Variants in MYO16 observed in about 807,000 individuals in gnomAD.
MYO16 encodes the protein unconventional myosin-XVI.
MYO16 carries 94 observed loss-of-function variants against 205.3 expected under a neutral mutation model. The observed-to-expected ratio is 0.46, with a 90% CI of 0.39 to 0.54. MYO16 has a LOEUF of 0.54. Among genes scored for constraint, MYO16 ranks in the 20% least tolerant of loss-of-function variants. MYO16 has a pLI of 0.00. For synonymous variants in MYO16, 988 were observed against 954.0 expected (o/e 1.04, Z -0.66); for missense variants, 2,315 against 2,387.5 (o/e 0.97, Z 0.63).
At position 109,052,317 on chromosome 13, in the gene MYO16, A is replaced by G. The variant is rs1483442845; in HGVS notation, c.2890A>G (p.Ile964Val). The G allele has an allele frequency of 6.2e-7, 1 of 1,612,702 alleles. No homozygotes were observed. Among genetic ancestry groups the G allele is most frequent in the African/African-American group, 1.3e-5 (1 of 74,878 alleles). Reference sequence around the variant, plus strand: ...TTTCCTAGCTAGTGAAAATGTCGTGATCAATCATTTGTTCCAGTCGAAATT... The same window carrying G: ...TTTCCTAGCTAGTGAAAATGTCGTGGTCAATCATTTGTTCCAGTCGAAATT... ...FVMKTSENVV[I>V]NHLFQSKLSQ... Residue 964 changes from isoleucine (I) to valine (V), a missense_variant, in exon 25 of 35, where the codon ATC (isoleucine) becomes GTC (valine). Ile to Val is a conservative substitution (Grantham distance 29). Around this residue, in one of 3 missense-constraint regions of MYO16, gnomAD observed 1,213 missense variants for 1,274.4 expected, o/e 0.95. Transcript: ENST00000457511.
intron 11 of MYO16, among the ~76,000 whole-genome samples, chr13:108,865,031 T>C (rs1878636934): frequency 6.6e-6 from 1 of 152,170 alleles, no homozygotes; most frequent in South Asian, 2.1e-4. Context: ...GGATTTAGTT[T>C]TCTGGTGGGT....
At chr13:108,940,158 C>A (rs1474155831) in intron 16 of MYO16, among the ~76,000 whole-genome samples, 1 of 152,040 alleles carries the variant, frequency 6.6e-6, no homozygotes, top group Admixed American at 6.6e-5. Context: ...ACCCTAAACA[C>A]AAAGAACAGC....
At chr13:108,773,485 C>T (rs147752009) in intron 4 of MYO16, among the ~76,000 whole-genome samples, 109 of 152,282 alleles carry the variant, frequency 7.2e-4, no homozygotes, top group African/African-American at 2.5e-3. Context: ...AGGTCTTCCT[C>T]AGCTTGTGAC....
chr13:108,886,710 C>T lies in MYO16; in HGVS notation c.1554-1662C>T, dbSNP rs895479600. Among the ~76,000 whole-genome samples, 5 of 151,964 alleles carry T rather than the reference C, an allele frequency of 3.3e-5. No homozygotes were observed. In the South Asian group the frequency reaches 1.0e-3, roughly 32 times the overall value. On this transcript the variant is annotated intron_variant, in intron 13 of 34. Coordinates refer to ENST00000457511, the MANE Select transcript of MYO16 (RefSeq NM_001198950.3). ...ACCGCAGGCTTGTTTAGGCAAAGCC[C>T]CCTGTGCAAGTTCCCTTATCGGCAC...
chr13:108,628,587 T>A (rs9587632), upstream of MYO16, among the ~76,000 whole-genome samples: 23,698 of 152,144 alleles, frequency 0.16, 2,641 homozygotes, highest in African/African-American at 0.3. Flanking sequence ...CTGTGCGAAA[T>A]CTTCAACTTA....
intron 32 of MYO16, among the ~76,000 whole-genome samples, chr13:109,157,173 CTCTT>C (rs895813542): frequency 6.8e-6 from 1 of 146,984 alleles, no homozygotes; most frequent in Non-Finnish European, 1.5e-5. Context: ...TCCCCTGACT[CTCTT>C]TCTACTTCTA....
At chr13:109,040,439 C>T (rs1217460281) in intron 23 of MYO16, among the ~76,000 whole-genome samples, 4 of 114,942 alleles carry the variant, frequency 3.5e-5, no homozygotes, top group African/African-American at 1.2e-4. Context: ...AAAAACATCC[C>T]TCATGAATAT....
intron 1 of MYO16, among the ~76,000 whole-genome samples, chr13:108,637,761 G>C (rs866512459): frequency 1.3e-4 from 20 of 152,230 alleles, no homozygotes; most frequent in South Asian, 8.3e-4. Flanking sequence ...TGTAATCCCA[G>C]CCACTTGGGA....
chr13:109,045,521 A>T (rs1887012477), intron 23 of MYO16, among the ~76,000 whole-genome samples: 1 of 152,226 alleles, frequency 6.6e-6, no homozygotes, highest in African/African-American at 2.4e-5. Context: ...TGTACCTGAA[A>T]GTAGTTTAAG....
At position 109,055,862 on chromosome 13, in the gene MYO16, A is replaced by G. The variant is rs1018787372; in HGVS notation, c.3335+267A>G. The stretch of plus-strand genomic sequence containing the variant: ...TTCAAAGTGTGGCTTTCCTTGGATT[A>G]AAGTTTTGTAAAATGATTGCATGTG... On this transcript the variant is annotated intron_variant, in intron 27 of 34. Transcript: ENST00000457511. The surrounding 1 kb of genome is among the most constrained non-coding windows in gnomAD (Gnocchi z 5.0). The G allele has an allele frequency of 1.6e-5, 5 of 308,716 alleles. No homozygotes were observed. The highest frequency in any genetic ancestry group is 1.1e-4 in the African/African-American group (5 of 47,360). 19.1% of individuals were successfully genotyped at this position (308,716 alleles called of 1,614,324 possible).
intron 4 of MYO16, among the ~76,000 whole-genome samples, chr13:108,732,272 C>A (rs1884548108): frequency 6.6e-6 from 1 of 152,048 alleles, no homozygotes; most frequent in Non-Finnish European, 1.5e-5. Flanking sequence ...AGGGAGTCAG[C>A]AGTGAGCACA....
rs35432777 is a variant in MYO16 at position 108,798,688 on chromosome 13, A to ATTTTTT, written c.741+5071_741+5076dup. 9.4e-4 allele frequency among the ~76,000 whole-genome samples: 66 copies of ATTTTTT among 70,364 alleles called. 4 individuals are homozygous for ATTTTTT. The highest frequency in any genetic ancestry group is 2.4e-3 in the African/African-American group (40 of 16,704). The allele number at this position is 70,364 out of a possible 152,430, so 46.2% of individuals were successfully genotyped here. ...TATATCACATCTGGCCCCGAGGCTT[A>ATTTTTT]TTTTTTTTTTTTTTTTTTTTTTTTT... On this transcript the variant is annotated intron_variant, in intron 6 of 34. Coordinates refer to ENST00000457511, the MANE Select transcript of MYO16 (RefSeq NM_001198950.3).
At chr13:108,961,310 A>C (rs1169596976) in intron 17 of MYO16, among the ~76,000 whole-genome samples, 8 of 152,160 alleles carry the variant, frequency 5.3e-5, no homozygotes, top group Admixed American at 5.2e-4. Flanking sequence ...CTTATATTTC[A>C]GGAACAGGAA....
chr13:108,984,166 A>C (rs1884547660), intron 20 of MYO16, among the ~76,000 whole-genome samples: 1 of 152,162 alleles, frequency 6.6e-6, no homozygotes, highest in South Asian at 2.1e-4. Context: ...GGCCTTCCTC[A>C]ACCCAAATTA....
At chr13:108,993,094 T>C (rs1044190030) in intron 21 of MYO16, among the ~76,000 whole-genome samples, 7 of 151,992 alleles carry the variant, frequency 4.6e-5, no homozygotes, top group Non-Finnish European at 8.8e-5. Context: ...AAGGTAAACA[T>C]GAAAAAATAG....
intron 7 of MYO16, among the ~76,000 whole-genome samples, chr13:108,809,647 C>T (rs1449551887): frequency 6.6e-6 from 1 of 152,208 alleles, no homozygotes; most frequent in Non-Finnish European, 1.5e-5. Context: ...AGCACTGAAC[C>T]ATGAGACATC....
At chr13:108,550,165 T>G in the MYO16 span, among the ~76,000 whole-genome samples, 67 of 152,368 alleles carry the variant, frequency 4.4e-4, no homozygotes, top group African/African-American at 1.6e-3. Flanking sequence ...CTTCAGCCAC[T>G]GGCGACATGA....
intron 32 of MYO16, among the ~76,000 whole-genome samples, chr13:109,160,321 C>T (rs1288130971): frequency 6.6e-6 from 1 of 152,182 alleles, no homozygotes; most frequent in African/African-American, 2.4e-5. Flanking sequence ...GATTTGCTCT[C>T]GCTAGATTAA....
chr13:108,843,076 C>G (rs445439), intron 9 of MYO16, among the ~76,000 whole-genome samples: 137,357 of 151,794 alleles, frequency 0.9, 62,850 homozygotes, highest in East Asian at 1. Flanking sequence ...AGAGTAGAAC[C>G]GTGGCTGCCA....
Sources: gnomAD v4.1 joint callset for allele counts (sites outside exome capture counted in the v4.1 genomes callset) on GRCh38, gnomAD v4.1.1 for gene constraint, gnomAD v4.1.1 regional missense constraint, Gnocchi (gnomAD v3.1) non-coding constraint, MANE v1.5 for transcripts, NCBI Gene and HGNC (gene_info 2026-07-23, HGNC 2026-07-21) for gene names.